Variants in DCAF15 observed in about 807,000 individuals in gnomAD.
The protein encoded by DCAF15 is DDB1 and CUL4 associated factor 15.
Under a neutral mutation model 68.0 loss-of-function variants are expected in DCAF15, and 24 were observed. The ratio of observed to expected loss-of-function variants is 0.35; its 90% CI spans 0.26 to 0.50. DCAF15 has a LOEUF of 0.50. Among genes scored for constraint, DCAF15 ranks in the 20% least tolerant of loss-of-function variants. The pLI, the probability that DCAF15 is intolerant of heterozygous loss-of-function variation, is 0.98. For synonymous variants in DCAF15, 376 were observed against 341.6 expected (o/e 1.10, Z -1.11); for missense variants, 627 against 830.6 (o/e 0.75, Z 3.01).
chr19:13,957,044 C>T (rs1299916800), intron 6 of DCAF15, among the ~76,000 whole-genome samples: 1 of 152,240 alleles, frequency 6.6e-6, no homozygotes, highest in Non-Finnish European at 1.5e-5. Context: ...GCGTGAGCCA[C>T]CGCGTCTGGC....
intron 6 of DCAF15, among the ~76,000 whole-genome samples, chr19:13,957,399 C>T (rs1446444981): frequency 6.6e-6 from 1 of 152,130 alleles, no homozygotes; most frequent in Non-Finnish European, 1.5e-5. Flanking sequence ...CTCACTGGGT[C>T]CGTATGTCCA....
Position 13,954,541 on chromosome 19 carries a change from C to T in DCAF15, c.246C>T (p.Gly82=). ...ACCCCCACAGACATATCTTCCTGGG[C>T]TTTTCCAAATGCGGCCGCTACGTCC... ...DFLYAGHIFL[G]FSKCGRYVLS... Residue 82 remains glycine (G), a synonymous_variant, in exon 3 of 13, where the codon GGC becomes GGT. Coordinates refer to ENST00000254337, the MANE Select transcript of DCAF15 (RefSeq NM_138353.4). The T allele has an allele frequency of 1.2e-6, 2 of 1,614,224 alleles. No homozygotes were observed. The highest frequency in any genetic ancestry group is 2.2e-5 in the East Asian group (1 of 44,888).
At chr19:13,954,276 C>A in intron 1 of DCAF15, 64 bp from the exon 2 acceptor site, 1 of 1,427,452 alleles carries the variant, frequency 7.0e-7, no homozygotes, top group Non-Finnish European at 9.8e-7. Context: ...TGCCTCTCTG[C>A]CGTGGGTGAG....
rs1026143162 is a variant in DCAF15, at chr19:13,955,364, T to C, written c.367-548T>C. 5.3e-5 allele frequency among the ~76,000 whole-genome samples: 8 copies of C among 152,154 alleles called. No homozygotes were observed. The East Asian group carries it at 1.5e-3, about 29-fold the overall frequency. On this transcript the variant is annotated intron_variant, in intron 3 of 12. Transcript: ENST00000254337. ...AGAACCTGCGAGGTGGAGGTTGCAG[T>C]GAGCCGAGATCGAACCACTGCACTC... is the stretch of plus-strand genomic sequence containing the variant.
At chr19:13,960,229 G>A in intron 10 of DCAF15, 58 bp from the exon 11 acceptor site, 1 of 1,588,030 alleles carries the variant, frequency 6.3e-7, no homozygotes. Flanking sequence ...GGTAGCCTGG[G>A]GCCTGGTTCA....
rs969534367 is a variant in DCAF15 at position 13,956,510 on chromosome 19, G to T, written c.772G>T (p.Val258Phe). The T allele has an allele frequency of 9.3e-6, 15 of 1,612,988 alleles. No homozygotes were observed. The highest frequency in any genetic ancestry group is 1.3e-5 in the African/African-American group (1 of 74,926). The change falls in exon 6 of 13, where the codon GTC becomes TTC. Residue 258 changes from valine (V) to phenylalanine (F), a missense_variant. Val to Phe is a conservative substitution (Grantham distance 50, BLOSUM62 -1). Around this residue, in one of 3 missense-constraint regions of DCAF15, gnomAD observed 273 missense variants for 393.7 expected, o/e 0.69. Coordinates refer to ENST00000254337, the MANE Select transcript of DCAF15 (RefSeq NM_138353.4). ...CTCCCTGGTGGCCTGCGCCGTCTCC[G>T]TCCACTCGGCAGGTAGGCCCTGCGG... ...SYSLVACAVS[V>F]HSAGDRSFCQ...
rs759904298 is a variant in DCAF15 at position 13,955,991 on chromosome 19, C to G, written c.446C>G (p.Ala149Gly). ...YLTVCEWPSD[A>G]SKVIVFGFNT... Reference sequence around the variant, plus strand: ...ACCGTATGCGAGTGGCCCAGCGACGCCTCCAAGGTCATCGTCTTCGGCTTC... The same window carrying G: ...ACCGTATGCGAGTGGCCCAGCGACGGCTCCAAGGTCATCGTCTTCGGCTTC... Residue 149 changes from alanine (A) to glycine (G), a missense_variant, in exon 4 of 13, where the codon GCC becomes GGC. This residue lies in a region of DCAF15 where 273 missense variants were observed against 393.7 expected (regional missense o/e 0.69). Transcript: ENST00000254337. The G allele has an allele frequency of 6.2e-7, 1 of 1,613,882 alleles. No individual in the cohort carries two copies. Among genetic ancestry groups the G allele is most frequent in the Non-Finnish European group, 8.5e-7 (1 of 1,180,002 alleles).
At chr19:13,957,114 C>T (rs1047135974) in intron 6 of DCAF15, among the ~76,000 whole-genome samples, 7 of 152,304 alleles carry the variant, frequency 4.6e-5, no homozygotes, top group Admixed American at 2.0e-4. Context: ...GCTAGCTGGA[C>T]GGGGTAGCGC....
chr19:13,952,546 G>A lies in DCAF15; in HGVS notation c.34G>A (p.Gly12Arg), dbSNP rs1206628774. Residue 12 changes from glycine to arginine, a missense_variant, in exon 1 of 13, where the codon GGG (glycine) becomes AGG (arginine). Gly to Arg is a moderately radical substitution (Grantham distance 125). Around this residue, in one of 3 missense-constraint regions of DCAF15, gnomAD observed 273 missense variants for 393.7 expected, o/e 0.69. Transcript: ENST00000254337. ...CAGCTCGAAATCGGAGCGGAACAGC[G>A]GGGCTGGGAGCGGCGGCGGCGGCCC... ...APSSKSERNS[G>R]AGSGGGGPGG... 5 of 1,261,872 alleles carry A rather than the reference G, an allele frequency of 4.0e-6. No homozygotes were observed. The highest frequency in any genetic ancestry group is 3.1e-5 in the East Asian group (1 of 31,780). 78.2% of individuals were successfully genotyped at this position (1,261,872 alleles called of 1,614,324 possible). A position where few individuals can be genotyped will look rare whatever the true frequency, so the allele number is the denominator to read the frequency against.
At position 13,959,848 on chromosome 19, in the gene DCAF15, G is replaced by T; in HGVS notation, c.1393G>T (p.Gly465Cys). The part of the protein sequence containing the change: ...NEVIRHDATW[G>C]HQFCSFSDYD... ...GGTCATCCGCCACGACGCTACCTGG[G>T]GCCATCAGTTCTGTTCTTTCAGCGA... Residue 465 changes from glycine (G) to cysteine (C), a missense_variant, in exon 9 of 13, where the codon GGC becomes TGC. Around this residue, in one of 3 missense-constraint regions of DCAF15, gnomAD observed 118 missense variants for 211.8 expected, o/e 0.56. Coordinates refer to ENST00000254337, the MANE Select transcript of DCAF15 (RefSeq NM_138353.4). 1 of 1,567,572 alleles carries T rather than the reference G, an allele frequency of 6.4e-7. No individual in the cohort carries two copies. Among genetic ancestry groups the T allele is most frequent in the Non-Finnish European group, 8.7e-7 (1 of 1,153,230 alleles).
rs1973617609 is a variant in DCAF15, at chr19:13,961,111, G to A, written c.*116G>A. On this transcript the variant is annotated 3_prime_UTR_variant, in exon 13 of 13. Transcript: ENST00000254337. ...CCACCGACTGATGACCGGCACTAGT[G>A]TTAGCCTGCGGAACGGGGCTGGGCA... 2 of 1,282,564 alleles carry A rather than the reference G, an allele frequency of 1.6e-6. No individual in the cohort carries two copies. Among genetic ancestry groups the A allele is most frequent in the African/African-American group, 2.9e-5 (2 of 68,002 alleles). 79.4% of individuals were successfully genotyped at this position (1,282,564 alleles called of 1,614,324 possible).
rs750690427 is a variant in DCAF15 at position 13,960,089 on chromosome 19, C to T, written c.1526+20C>T. 4 of 1,612,450 alleles carry T rather than the reference C, an allele frequency of 2.5e-6. No homozygotes were observed. Among genetic ancestry groups the T allele is most frequent in the African/African-American group, 2.7e-5 (2 of 74,906 alleles). On this transcript the variant is annotated intron_variant, in intron 10 of 12. Coordinates refer to ENST00000254337, the MANE Select transcript of DCAF15 (RefSeq NM_138353.4). ...GCTCCGGTGAGCGCGGGGATCCTGC[C>T]CTCTCTGTCCACTAGGGGGGCCACT...
intron 2 of DCAF15, 40 bp from the exon 3 acceptor site, chr19:13,954,486 T>C: frequency 1.2e-6 from 2 of 1,613,964 alleles, no homozygotes; most frequent in Non-Finnish European, 1.7e-6. Context: ...AGTGGTGGGC[T>C]CGCCCTGACC....
Position 13,959,781 on chromosome 19 carries a change from A to G in DCAF15, c.1326A>G (p.Thr442=). The G allele has an allele frequency of 6.2e-7, 1 of 1,613,458 alleles. No homozygotes were observed. The highest frequency in any genetic ancestry group is 1.1e-5 in the South Asian group (1 of 91,084). ...ERTAVQGQYL[T]VEQLTLDFEY... ...CTCACCCGCAGGGCCAGTACCTGACAGTGGAGCAGCTCACACTAGACTTCG... is the reference window on the plus strand; with the variant it reads ...CTCACCCGCAGGGCCAGTACCTGACGGTGGAGCAGCTCACACTAGACTTCG... Residue 442 remains threonine, a synonymous_variant, in exon 9 of 13, where the codon ACA becomes ACG. Coordinates refer to ENST00000254337, the MANE Select transcript of DCAF15 (RefSeq NM_138353.4).
chr19:13,960,353 C>T lies in DCAF15; in HGVS notation c.1593C>T (p.Val531=). Residue 531 remains valine (V), a synonymous_variant, in exon 11 of 13, where the codon GTC becomes GTT. Transcript: ENST00000254337. ...TCAACACAGGGATCTTCGAGACAGT[C>T]AGTGTAGGCGACCTGACTGAGGTCA... ...WDLNTGIFET[V]SVGDLTEVKG... is the part of the protein sequence containing the mutation. The T allele has an allele frequency of 1.9e-6, 3 of 1,614,076 alleles. No homozygotes were observed. Among genetic ancestry groups the T allele is most frequent in the Non-Finnish European group, 2.5e-6 (3 of 1,180,022 alleles).
chr19:13,958,748 T>G (rs1310097403), intron 6 of DCAF15, among the ~76,000 whole-genome samples: 2 of 152,148 alleles, frequency 1.3e-5, no homozygotes. Flanking sequence ...CTCTACGCTG[T>G]AGAGTGTTGT....
Position 13,959,780 on chromosome 19 carries a change from C to T in DCAF15, c.1325C>T (p.Thr442Ile). 1.2e-6 allele frequency: 2 copies of T among 1,613,666 alleles called. No homozygotes were observed. Among genetic ancestry groups the T allele is most frequent in the Non-Finnish European group, 1.7e-6 (2 of 1,179,966 alleles). ...ERTAVQGQYL[T>I]VEQLTLDFEY... The stretch of plus-strand genomic sequence containing the variant: ...ACTCACCCGCAGGGCCAGTACCTGA[C>T]AGTGGAGCAGCTCACACTAGACTTC... Residue 442 changes from threonine (T) to isoleucine (I), a missense_variant, in exon 9 of 13, where the codon ACA (threonine) becomes ATA (isoleucine). Around this residue, in one of 3 missense-constraint regions of DCAF15, gnomAD observed 236 missense variants for 225.1 expected, o/e 1.05. Coordinates refer to ENST00000254337, the MANE Select transcript of DCAF15 (RefSeq NM_138353.4).
intron 6 of DCAF15, among the ~76,000 whole-genome samples, chr19:13,957,742 C>T (rs1371576422): frequency 1.3e-5 from 2 of 152,056 alleles, no homozygotes; most frequent in East Asian, 3.8e-4. Context: ...AACCCCATCT[C>T]TAGTAAAAAT....
intron 6 of DCAF15, among the ~76,000 whole-genome samples, chr19:13,957,932 G>A (rs897161606): frequency 5.3e-5 from 8 of 152,114 alleles, no homozygotes; most frequent in Admixed American, 3.3e-4. Context: ...ATGCAAAGAC[G>A]TCCATTAAAT....
Sources: gnomAD v4.1 joint callset for allele counts (sites outside exome capture counted in the v4.1 genomes callset) on GRCh38, gnomAD v4.1.1 for gene constraint, gnomAD v4.1.1 regional missense constraint, MANE v1.5 for transcripts, NCBI Gene and HGNC (gene_info 2026-07-23, HGNC 2026-07-21) for gene names.